Variants in FXYD5 observed in about 807,000 individuals in gnomAD.
FXYD5 encodes the protein FXYD domain containing ion transport regulator 5, also known as FXYD domain-containing ion transport regulator 5.
A neutral mutation model predicts 25.7 loss-of-function variants in FXYD5; 21 were observed. The ratio of observed to expected loss-of-function variants is 0.82; its 90% confidence interval spans 0.58 to 1.18. The LOEUF is 1.18. Ranked by LOEUF, FXYD5 falls within the 50% of genes most tolerant of loss-of-function variation. The probability of loss-of-function intolerance (pLI) is 0.00; values close to 1 mark genes in which losing one functional copy is unlikely to be tolerated. For synonymous variants in FXYD5, 101 were observed against 90.7 expected, an observed-to-expected ratio of 1.11 and a Z score of -0.64; for missense variants, 229 against 227.7, an observed-to-expected ratio of 1.01 and a Z score of -0.04.
In FXYD5 at chr19:35,166,400, G is replaced by T. The variant is rs551621866; in HGVS notation, c.487+75G>T. On this transcript the variant is annotated intron_variant, in intron 8 of 8. Coordinates refer to ENST00000392219, the MANE Select transcript of FXYD5 (RefSeq NM_014164.6). ...TATGACGGAGGGCTGGGTTCTCAAAGGTCCCTGGGCAATTTTGTTTTAAAT... is the reference window on the plus strand; with the variant it reads ...TATGACGGAGGGCTGGGTTCTCAAATGTCCCTGGGCAATTTTGTTTTAAAT... 13 of 937,658 alleles carry T rather than the reference G, an allele frequency of 1.4e-5. No individual in the cohort carries two copies. The South Asian group carries it at 1.7e-4, about 13-fold the overall frequency. 58.1% of individuals were successfully genotyped at this position (937,658 alleles called of 1,614,324 possible). A position where few individuals can be genotyped will look rare whatever the true frequency, so the allele number is the denominator to read the frequency against.
Position 35,169,221 on chromosome 19 carries a change from T to C in FXYD5, c.488-345T>C, listed in dbSNP as rs111549595. 5.7e-3 allele frequency among the ~76,000 whole-genome samples: 872 copies of C among 152,352 alleles called. 4 individuals carry two copies. Among genetic ancestry groups the C allele is most frequent in the East Asian group, 0.018 (95 of 5,190 alleles). On this transcript the variant is annotated intron_variant, in intron 8 of 8. Coordinates refer to ENST00000392219, the MANE Select transcript of FXYD5 (RefSeq NM_014164.6). ...TAGCACCTTCATACATTTGATTTTGTAATTTTTCTCCTTGTTGGTCTTTCC... is the reference window on the plus strand; with the variant it reads ...TAGCACCTTCATACATTTGATTTTGCAATTTTTCTCCTTGTTGGTCTTTCC...
intron 8 of FXYD5, chr19:35,166,696 G>A (rs966391186): frequency 2.9e-6 from 1 of 339,256 alleles, no homozygotes; most frequent in African/African-American, 2.1e-5. Flanking sequence ...TGGTGGCAGG[G>A]ATCTAAGATA....
intron 8 of FXYD5, among the ~76,000 whole-genome samples, chr19:35,168,730 C>T (rs2065472432): frequency 6.6e-6 from 1 of 152,162 alleles, no homozygotes. Flanking sequence ...CACCCTTCCT[C>T]CAGGTGTCTC....
In FXYD5 at chr19:35,164,194, C is replaced by T. The variant is rs2065431142; in HGVS notation, c.331C>T (p.Pro111Ser). 1 of 1,613,968 alleles carries T rather than the reference C, an allele frequency of 6.2e-7. No individual in the cohort carries two copies. ...TDDTTTLSER[P>S]SPSTDVQTDP... Reference sequence around the variant, plus strand: ...TGACACCACGACGCTCTCTGAGAGACCATCCCCAAGCACAGACGTCCAGAC... The same window carrying T: ...TGACACCACGACGCTCTCTGAGAGATCATCCCCAAGCACAGACGTCCAGAC... The change falls in exon 6 of 9, where the codon CCA (proline) becomes TCA (serine). Residue 111 changes from proline (P) to serine (S), a missense_variant. Physicochemically the swap from Pro to Ser is moderately conservative, Grantham distance 74. Coordinates refer to ENST00000392219, the MANE Select transcript of FXYD5 (RefSeq NM_014164.6).
chr19:35,166,186 G>A lies in FXYD5; in HGVS notation c.412+15G>A. The A allele has an allele frequency of 4.3e-6, 7 of 1,612,984 alleles. No individual in the cohort carries two copies. The South Asian group carries it at 7.7e-5, about 18-fold the overall frequency. Reference sequence around the variant, plus strand: ...CTTCTTCTATGGTAAGTTATCCACAGGAAGATGTGGGGGAAGGAAAGGTGA... The same window carrying A: ...CTTCTTCTATGGTAAGTTATCCACAAGAAGATGTGGGGGAAGGAAAGGTGA... On this transcript the variant is annotated intron_variant, in intron 7 of 8. Transcript: ENST00000392219.
At chr19:35,160,504 G>GC (rs1221173729) in intron 4 of FXYD5, among the ~76,000 whole-genome samples, 2 of 152,050 alleles carry the variant, frequency 1.3e-5, no homozygotes, top group African/African-American at 4.8e-5. Flanking sequence ...GAGCGACCAC[G>GC]CCCAGCTAAT....
Position 35,169,854 on chromosome 19 carries a change from A to G in FXYD5, c.*239A>G. ...CCCTCAAGTTATCTCCTCTGCTAAG[A>G]CAAAAAGTAAAGCACTGTGGTCTTT... On this transcript the variant is annotated 3_prime_UTR_variant, in exon 9 of 9. Transcript: ENST00000392219. 1.9e-6 allele frequency: 1 copy of G among 535,924 alleles called. No individual in the cohort carries two copies. Among genetic ancestry groups the G allele is most frequent in the South Asian group, 2.1e-5 (1 of 46,722 alleles). The allele number at this position is 535,924 out of a possible 1,614,324, so 33.2% of individuals were successfully genotyped here. A position where few individuals can be genotyped will look rare whatever the true frequency, so the allele number is the denominator to read the frequency against.
intron 5 of FXYD5, among the ~76,000 whole-genome samples, chr19:35,163,090 G>C (rs1350953724): frequency 1.3e-5 from 2 of 152,202 alleles, no homozygotes; most frequent in East Asian, 3.8e-4. Context: ...GCCAAGAGTG[G>C]CAGAACCGGA....
chr19:35,163,042 G>A (rs2065419224), intron 5 of FXYD5, among the ~76,000 whole-genome samples: 1 of 152,228 alleles, frequency 6.6e-6, no homozygotes, highest in Non-Finnish European at 1.5e-5. Context: ...AAGGAACTGA[G>A]GCCCAGAGAG....
Position 35,155,732 on chromosome 19 carries a change from G to A in FXYD5, c.61+121G>A, listed in dbSNP as rs902605227. On this transcript the variant is annotated intron_variant, in intron 2 of 8. Transcript: ENST00000392219. ...TGTCCTGCCCTGTCACCCTCCCGCT[G>A]AGCCGGCACCAGGAAGTGGGGATCC... The A allele has an allele frequency of 7.9e-6, 6 of 763,564 alleles. No individual in the cohort carries two copies. In the African/African-American group the frequency reaches 8.5e-5, roughly 11 times the overall value. 47.3% of individuals were successfully genotyped at this position (763,564 alleles called of 1,614,324 possible).
At position 35,166,131 on chromosome 19, in the gene FXYD5, T is replaced by G. The variant is rs1199882478; in HGVS notation, c.383-11T>G. 1 of 1,613,648 alleles carries G rather than the reference T, an allele frequency of 6.2e-7. No individual in the cohort carries two copies. The highest frequency in any genetic ancestry group is 1.7e-5 in the Admixed American group (1 of 60,028). Reference sequence around the variant, plus strand: ...GCTGAACCCTGACTTGCTCTTTGTCTGCCTCTCCAGGTTTTCATGAGGATG... The same window carrying G: ...GCTGAACCCTGACTTGCTCTTTGTCGGCCTCTCCAGGTTTTCATGAGGATG... On this transcript the variant is annotated splice_polypyrimidine_tract_variant and intron_variant, in intron 6 of 8. Transcript: ENST00000392219.
intron 3 of FXYD5, 61 bp downstream of exon 3, chr19:35,157,562 T>C (rs768583401): frequency 1.1e-6 from 1 of 889,898 alleles, no homozygotes; most frequent in Non-Finnish European, 1.9e-6. Flanking sequence ...GCAACAAAAA[T>C]CCCAAACTTG....
intron 4 of FXYD5, chr19:35,159,664 G>A: frequency 6.5e-7 from 1 of 1,539,488 alleles, no homozygotes; most frequent in Non-Finnish European, 8.8e-7. Context: ...CTGACTATGT[G>A]CTGGTCATGG....
chr19:35,158,954 C>A (rs2065381207), intron 4 of FXYD5, among the ~76,000 whole-genome samples: 1 of 151,978 alleles, frequency 6.6e-6, no homozygotes, highest in Non-Finnish European at 1.5e-5. Flanking sequence ...CAGTGAGACT[C>A]CATCTCTACA....
Position 35,169,605 on chromosome 19 carries a change from G to A in FXYD5, c.527G>A (p.Arg176His), listed in dbSNP as rs12110. The change falls in exon 9 of 9, where the codon CGT becomes CAT. Residue 176 changes from arginine to histidine, a missense_variant. Physicochemically the swap from Arg to His is conservative, Grantham distance 29. Transcript: ENST00000392219. ...CAGCTGTCCCGGTTATGCCGGAATC[G>A]TTGCAGGTGAGTCCATCAGAAACAG... Reference protein sequence around the residue: ...CRQLSRLCRNRCR With the variant: ...CRQLSRLCRNHCR 0.81 allele frequency: 1,293,981 copies of A among 1,606,312 alleles called. 523,678 individuals carry two copies. Among genetic ancestry groups the A allele is most frequent in the African/African-American group, 0.95 (71,122 of 74,938 alleles).
chr19:35,160,311 A>G (rs1324447365), intron 4 of FXYD5, among the ~76,000 whole-genome samples: 1 of 152,110 alleles, frequency 6.6e-6, no homozygotes, highest in Non-Finnish European at 1.5e-5. Context: ...CCAACCCTAC[A>G]GTGACACTTG....
In FXYD5 at chr19:35,169,495, C is replaced by T. The variant is rs1334407929; in HGVS notation, c.488-71C>T. 5 of 1,182,714 alleles carry T rather than the reference C, an allele frequency of 4.2e-6. No individual in the cohort carries two copies. The Admixed American group carries it at 5.1e-5, about 12-fold the overall frequency. 73.3% of individuals were successfully genotyped at this position (1,182,714 alleles called of 1,614,324 possible). The stretch of plus-strand genomic sequence containing the variant: ...GGGCAGGGTTGATCAATCTGGTTCC[C>T]CAGCCCCACAACACACGATAAGAAT... On this transcript the variant is annotated intron_variant, in intron 8 of 8. Transcript: ENST00000392219.
rs58642459 is a variant in FXYD5, at chr19:35,169,062, CA to C, written c.488-487del. 9.5e-3 allele frequency among the ~76,000 whole-genome samples: 1,204 copies of C among 127,230 alleles called. 15 individuals carry two copies. Among genetic ancestry groups the C allele is most frequent in the African/African-American group, 0.03 (1,002 of 33,918 alleles). The allele number at this position is 127,230 out of a possible 152,430, so 83.5% of individuals were successfully genotyped here. On this transcript the variant is annotated intron_variant, in intron 8 of 8. Transcript: ENST00000392219. ...TGGGTGACACAGCAAGACTCTGTCT[CA>C]AAAAAAAAAAAAAAAAGTAACCTCC...
At chr19:35,156,161 A>G (rs1312469474) in intron 2 of FXYD5, among the ~76,000 whole-genome samples, 1 of 152,164 alleles carries the variant, frequency 6.6e-6, no homozygotes, top group African/African-American at 2.4e-5. Context: ...TGCCCATTTT[A>G]CTGATGAGGA....
Sources: allele counts gnomAD v4.1 joint callset (sites outside exome capture counted in the v4.1 genomes callset), GRCh38; gene constraint gnomAD v4.1.1; transcripts MANE v1.5; gene names NCBI Gene and HGNC (gene_info 2026-07-23, HGNC 2026-07-21).